The following ASPRV1 variants were observed in gnomAD, a reference collection of about 807,000 sequenced individuals.
ASPRV1 encodes the protein aspartic peptidase retroviral like 1.
Under a neutral mutation model 11.0 loss-of-function variants are expected in ASPRV1, and 7 were observed. The observed-to-expected ratio is 0.64, with a 90% CI of 0.36 to 1.20. The LOEUF (loss-of-function observed/expected upper bound fraction) is 1.20. ASPRV1 is among the 50% of genes most tolerant of loss of function. The pLI is 0.02. For missense variants in ASPRV1, 299 were observed against 320.0 expected (o/e 0.93, Z 0.50); for synonymous variants, 136 against 138.4 (o/e 0.98, Z 0.12).
chr2:70,033,259 T>G, the ASPRV1 span, among the ~76,000 whole-genome samples: 2 of 146,652 alleles, frequency 1.4e-5, no homozygotes, highest in Non-Finnish European at 3.0e-5. Flanking sequence ...CCCTTTTCCA[T>G]GCTTTATCAA....
chr2:70,043,991 C>A, the ASPRV1 span, among the ~76,000 whole-genome samples: 1 of 152,050 alleles, frequency 6.6e-6, no homozygotes, highest in African/African-American at 2.4e-5. Context: ...AGAGACCCAG[C>A]ATCTCTCTTC....
the ASPRV1 span, among the ~76,000 whole-genome samples, chr2:70,009,249 C>T: frequency 6.6e-6 from 1 of 152,018 alleles, no homozygotes; most frequent in Admixed American, 6.6e-5. Context: ...CTATATATTT[C>T]CAAACTGTTT....
chr2:69,985,915 C>A, the ASPRV1 span, among the ~76,000 whole-genome samples: 7 of 152,324 alleles, frequency 4.6e-5, no homozygotes, highest in South Asian at 2.1e-4. Context: ...TCTGCTCACC[C>A]GTCTCGGCAT....
the ASPRV1 span, among the ~76,000 whole-genome samples, chr2:70,076,381 T>C: frequency 6.6e-6 from 1 of 152,362 alleles, no homozygotes; most frequent in African/African-American, 2.4e-5. Context: ...CCTTTGTTTA[T>C]CCATCTTTTA....
In ASPRV1 at chr2:69,960,846, T is replaced by C. The variant is rs76975752; in HGVS notation, c.591A>G (p.Glu197=). ...GGAGCACATCAGTGCCAATGATGGCTTCCTCGGCACTCGCATTGGCCACTA... is the reference window on the plus strand; with the variant it reads ...GGAGCACATCAGTGCCAATGATGGCCTCCTCGGCACTCGCATTGGCCACTA... ...QFLVANASAE[E]AIIGTDVLQD... is the part of the protein sequence containing the mutation. Residue 197 remains glutamate, a synonymous_variant, in exon 1 of 1, where the codon GAA becomes GAG. Coordinates refer to ENST00000320256, the MANE Select transcript of ASPRV1 (RefSeq NM_152792.4). 6.2e-7 allele frequency: 1 copy of C among 1,613,978 alleles called. No individual in the cohort carries two copies. Among genetic ancestry groups the C allele is most frequent in the African/African-American group, 1.3e-5 (1 of 74,892 alleles).
chr2:70,053,138 G>C, the ASPRV1 span, among the ~76,000 whole-genome samples: 1 of 152,166 alleles, frequency 6.6e-6, no homozygotes, highest in South Asian at 2.1e-4. Context: ...TAAGGTTCTT[G>C]AGACTAAGTC....
chr2:69,977,054 T>C, the ASPRV1 span, among the ~76,000 whole-genome samples: 1 of 152,040 alleles, frequency 6.6e-6, no homozygotes, highest in Non-Finnish European at 1.5e-5. Context: ...TGGCCAGGCA[T>C]GGTGGCGCGC....
the ASPRV1 span, chr2:70,049,042 T>TTTA: frequency 6.6e-6 from 1 of 151,994 alleles, no homozygotes; most frequent in Non-Finnish European, 1.5e-5. Flanking sequence ...TTTTTTTTAT[T>TTTA]TTATTATTAT....
the ASPRV1 span, among the ~76,000 whole-genome samples, chr2:70,052,268 A>G: frequency 1.3e-5 from 2 of 152,218 alleles, no homozygotes; most frequent in African/African-American, 2.4e-5. Flanking sequence ...TGGATTAAAT[A>G]TTAGAGAATA....
At chr2:70,065,160 G>A in the ASPRV1 span, among the ~76,000 whole-genome samples, 2 of 151,832 alleles carry the variant, frequency 1.3e-5, no homozygotes, top group East Asian at 2.0e-4. Context: ...TGTAATCCCA[G>A]CACTTTGGGA....
At chr2:70,032,034 A>C in the ASPRV1 span, 1 of 152,146 alleles carries the variant, frequency 6.6e-6, no homozygotes, top group Non-Finnish European at 1.5e-5. Flanking sequence ...CTATTCTCTG[A>C]CCACAGTCAT....
chr2:69,934,361 G>C, the ASPRV1 span, among the ~76,000 whole-genome samples: 1 of 152,296 alleles, frequency 6.6e-6, no homozygotes, highest in East Asian at 1.9e-4. Context: ...CTAGAATAAA[G>C]CACAAACCAT....
In ASPRV1 at chr2:69,961,289, T is replaced by A; in HGVS notation, c.148A>T (p.Lys50Ter). 3 of 1,614,028 alleles carry A rather than the reference T, an allele frequency of 1.9e-6. No homozygotes were observed. Among genetic ancestry groups the A allele is most frequent in the Non-Finnish European group, 2.5e-6 (3 of 1,179,992 alleles). The part of the protein sequence containing the change: ...NDLNHWDHIT[K>*]LRFLKESLRG... ...AGGGACTCTTTCAGGAACCTTAGCT[T>A]GGTGATATGGTCCCAATGGTTGAGG... The change falls in exon 1 of 1, where the codon AAG becomes TAG. Residue 50 changes from lysine to a stop codon, truncating the protein, a stop_gained. Transcript: ENST00000320256. LOFTEE classifies it high-confidence loss of function.
chr2:70,071,891 G>A, the ASPRV1 span: 1 of 152,124 alleles, frequency 6.6e-6, no homozygotes, highest in Non-Finnish European at 1.5e-5. Flanking sequence ...ACTGATTGAG[G>A]TCAGGAGTCC....
chr2:69,957,957 T>A (rs147078507), downstream of ASPRV1, among the ~76,000 whole-genome samples: 1 of 152,302 alleles, frequency 6.6e-6, no homozygotes, highest in East Asian at 1.9e-4. Flanking sequence ...GCTGCTTTAC[T>A]CCATCCTATA....
At chr2:70,067,006 GATGATA>G in the ASPRV1 span, among the ~76,000 whole-genome samples, 1 of 152,130 alleles carries the variant, frequency 6.6e-6, no homozygotes, top group Non-Finnish European at 1.5e-5. Flanking sequence ...AAACTAAGAT[GATGATA>G]ATAACAACTA....
chr2:69,977,369 C>T, the ASPRV1 span, among the ~76,000 whole-genome samples: 1 of 152,174 alleles, frequency 6.6e-6, no homozygotes, highest in Non-Finnish European at 1.5e-5. Context: ...AATGGGAGCC[C>T]TGCCCCCTCA....
the ASPRV1 span, among the ~76,000 whole-genome samples, chr2:70,034,376 C>CTGGCCAACATGGTG: frequency 6.6e-6 from 1 of 151,498 alleles, no homozygotes; most frequent in East Asian, 2.0e-4. Context: ...CAAGACTAGC[C>CTGGCCAACATGGTG]TGGCCAACAT....
the ASPRV1 span, among the ~76,000 whole-genome samples, chr2:70,029,838 G>A: frequency 6.6e-6 from 1 of 152,098 alleles, no homozygotes; most frequent in Non-Finnish European, 1.5e-5. Context: ...GGGAGTACAG[G>A]TCCTTGGGCC....
Sources: allele counts gnomAD v4.1 joint callset (sites outside exome capture counted in the v4.1 genomes callset), GRCh38; gene constraint gnomAD v4.1.1; transcripts MANE v1.5; gene names NCBI Gene and HGNC (gene_info 2026-07-23, HGNC 2026-07-21).